FCHSD2: variants seen among roughly 807,000 people sequenced by gnomAD.
The protein encoded by FCHSD2 is FCH and double SH3 domains 2.
FCHSD2 carries 38 observed loss-of-function variants against 108.1 expected under a neutral mutation model. The ratio of observed to expected loss-of-function variants is 0.35; its 90% confidence interval spans 0.27 to 0.46. FCHSD2 has a LOEUF of 0.46. Among genes scored for constraint, FCHSD2 ranks in the 20% least tolerant of loss-of-function variants. The probability of loss-of-function intolerance (pLI) is 1.00; values close to 1 mark genes in which losing one functional copy is unlikely to be tolerated. For missense variants in FCHSD2, 751 were observed against 897.8 expected, an observed-to-expected ratio of 0.84 and a Z score of 2.09; for synonymous variants, 279 against 314.7, an observed-to-expected ratio of 0.89 and a Z score of 1.20.
At position 72,840,755 on chromosome 11, in the gene FCHSD2, A is replaced by G. The variant is rs865995931; in HGVS notation, c.2139+122T>C. ...TCAATAGCTCTTTTTACCTTCCCAA[A>G]CCCAGTTCATCCTTGTTTGGCATAG... On this transcript the variant is annotated intron_variant, in intron 19 of 19. Transcript: ENST00000409418. The G allele has an allele frequency of 6.4e-5, 44 of 692,134 alleles. 2 individuals are homozygous for G. The Middle Eastern group carries it at 4.7e-3, about 74-fold the overall frequency. The allele number at this position is 692,134 out of a possible 1,614,324, so 42.9% of individuals were successfully genotyped here.
At chr11:72,869,874 G>A (rs1415963313) in intron 12 of FCHSD2, among the ~76,000 whole-genome samples, 2 of 151,940 alleles carry the variant, frequency 1.3e-5, no homozygotes. Context: ...TCATCATGTT[G>A]CTCCCCAGTT....
intron 10 of FCHSD2, among the ~76,000 whole-genome samples, chr11:72,892,904 G>A (rs1045800564): frequency 4.0e-4 from 3 of 7,544 alleles, no homozygotes; most frequent in Admixed American, 4.8e-3. Flanking sequence ...GTGCGTGGCT[G>A]GTAATTTTTT....
chr11:73,023,577 G>A (rs893487931), intron 3 of FCHSD2, among the ~76,000 whole-genome samples: 4 of 152,238 alleles, frequency 2.6e-5, no homozygotes, highest in East Asian at 3.9e-4. Context: ...CTCCTTCAAC[G>A]GTGGTGGGAA....
chr11:73,035,512 G>T (rs1484845312), intron 3 of FCHSD2, among the ~76,000 whole-genome samples: 1 of 151,982 alleles, frequency 6.6e-6, no homozygotes, highest in African/African-American at 2.4e-5. Context: ...CAGAAATAAA[G>T]ATAGTTATAG....
intron 13 of FCHSD2, among the ~76,000 whole-genome samples, chr11:72,858,409 C>T (rs569920150): frequency 5.1e-4 from 77 of 152,282 alleles, no homozygotes; most frequent in African/African-American, 1.8e-3. Context: ...AAATGTGGTA[C>T]ATATACACCA....
At chr11:73,017,647 G>T (rs1175676408) in intron 3 of FCHSD2, among the ~76,000 whole-genome samples, 2 of 152,074 alleles carry the variant, frequency 1.3e-5, no homozygotes, top group African/African-American at 4.8e-5. Flanking sequence ...AACATATCTT[G>T]TACTTTGGGA....
chr11:73,021,171 C>T (rs1306305501), intron 3 of FCHSD2, among the ~76,000 whole-genome samples: 1 of 151,648 alleles, frequency 6.6e-6, no homozygotes, highest in African/African-American at 2.4e-5. Flanking sequence ...GCCACTGTGT[C>T]TGGCCTATCT....
intron 3 of FCHSD2, among the ~76,000 whole-genome samples, chr11:73,026,945 T>C (rs1858243468): frequency 6.6e-6 from 1 of 152,188 alleles, no homozygotes; most frequent in African/African-American, 2.4e-5. Context: ...TCCCCAACCA[T>C]GCAGACCTGT....
intron 3 of FCHSD2, among the ~76,000 whole-genome samples, chr11:73,048,086 G>A (rs1591512056): frequency 5.3e-5 from 8 of 151,962 alleles, no homozygotes; most frequent in Admixed American, 5.2e-4. Context: ...AAAAAATACA[G>A]GAGGAACAAG....
chr11:72,869,039 T>C (rs758136211), intron 12 of FCHSD2, among the ~76,000 whole-genome samples: 3 of 152,102 alleles, frequency 2.0e-5, no homozygotes, highest in Non-Finnish European at 4.4e-5. Context: ...CCCAAGTAGC[T>C]GGGATTACAG....
chr11:73,006,393 T>C (rs543851955), intron 4 of FCHSD2, among the ~76,000 whole-genome samples: 8 of 152,302 alleles, frequency 5.3e-5, no homozygotes, highest in Admixed American at 5.2e-4. Flanking sequence ...ACTCAAACCT[T>C]CTAGTAGTTG....
At chr11:72,878,964 G>C (rs979482882) in intron 12 of FCHSD2, among the ~76,000 whole-genome samples, 10 of 152,100 alleles carry the variant, frequency 6.6e-5, no homozygotes, top group African/African-American at 2.4e-4. Flanking sequence ...AAAAAAATTA[G>C]CTGGTTTTGG....
At chr11:73,020,943 T>C (rs1185603588) in intron 3 of FCHSD2, among the ~76,000 whole-genome samples, 2 of 152,178 alleles carry the variant, frequency 1.3e-5, no homozygotes, top group Non-Finnish European at 2.9e-5. Flanking sequence ...GGCATGATCA[T>C]AGCTCACTGA....
intron 3 of FCHSD2, among the ~76,000 whole-genome samples, chr11:73,021,391 G>A (rs1858100903): frequency 6.6e-6 from 1 of 152,154 alleles, no homozygotes; most frequent in Non-Finnish European, 1.5e-5. Context: ...AAAACAATGA[G>A]ATCATGTCCT....
chr11:72,949,040 A>G (rs1213245843), intron 8 of FCHSD2, among the ~76,000 whole-genome samples: 1 of 152,206 alleles, frequency 6.6e-6, no homozygotes, highest in Non-Finnish European at 1.5e-5. Flanking sequence ...TTGAGATATT[A>G]GTCACACACC....
At chr11:73,054,970 T>C (rs142964390) in intron 3 of FCHSD2, among the ~76,000 whole-genome samples, 175 of 152,116 alleles carry the variant, frequency 1.2e-3, no homozygotes, top group Non-Finnish European at 9.4e-4. Context: ...TGAGACTGGG[T>C]AGTTTATAAA....
intron 2 of FCHSD2, among the ~76,000 whole-genome samples, chr11:73,134,180 A>G (rs1012477862): frequency 1.3e-5 from 2 of 152,106 alleles, no homozygotes; most frequent in African/African-American, 4.8e-5. Context: ...CACTGAAAAA[A>G]AGTCTCAGCA....
chr11:72,851,357 G>A lies in FCHSD2; in HGVS notation c.1309-1468C>T, dbSNP rs1248731030. On this transcript the variant is annotated intron_variant, in intron 13 of 19. Transcript: ENST00000409418. ...TGCAACACTGCCTGTAGTGACAAAC[G>A]CCTCGACACAATCTATATGTCCATC... is the stretch of plus-strand genomic sequence containing the variant. 2.6e-5 allele frequency among the ~76,000 whole-genome samples: 4 copies of A among 152,098 alleles called. No homozygotes were observed. In the East Asian group the frequency reaches 5.8e-4, roughly 22 times the overall value.
chr11:73,054,222 G>GA (rs111482231), intron 3 of FCHSD2, among the ~76,000 whole-genome samples: 255 of 137,120 alleles, frequency 1.9e-3, no homozygotes, highest in Middle Eastern at 7.2e-3. Context: ...GTCCTTTGCA[G>GA]AAAAAAAAAA....
Sources: allele counts gnomAD v4.1 joint callset (sites outside exome capture counted in the v4.1 genomes callset), GRCh38; gene constraint gnomAD v4.1.1; transcripts MANE v1.5; gene names NCBI Gene and HGNC (gene_info 2026-07-23, HGNC 2026-07-21).